Variants in MAGI1 observed in about 807,000 individuals in gnomAD.
MAGI1 encodes membrane-associated guanylate kinase, WW and PDZ domain-containing protein 1.
Under a neutral mutation model 139.9 loss-of-function variants are expected in MAGI1, and 58 were observed. The observed-to-expected ratio is 0.41, with a 90% CI of 0.34 to 0.52. The LOEUF (loss-of-function observed/expected upper bound fraction) is 0.52, where lower values mean the gene tolerates loss of function less well. MAGI1 is among the 20% of genes least tolerant of loss of function. The pLI, the probability that MAGI1 is intolerant of heterozygous loss-of-function variation, is 0.12. For missense variants in MAGI1, 1,874 were observed against 1,901.6 expected (o/e 0.99, Z 0.27); for synonymous variants, 812 against 737.9 (o/e 1.10, Z -1.63).
chr3:66,037,388 C>T lies in MAGI1; in HGVS notation c.313+608G>A, dbSNP rs1266303194. 2.0e-5 allele frequency among the ~76,000 whole-genome samples: 3 copies of T among 152,134 alleles called. 1 individual carries two copies. The highest frequency in any genetic ancestry group is 7.2e-5 in the African/African-American group (3 of 41,438). On this transcript the variant is annotated intron_variant, in intron 1 of 22. Coordinates refer to ENST00000402939, the MANE Select transcript of MAGI1 (RefSeq NM_001033057.2). The stretch of plus-strand genomic sequence containing the variant: ...AGCAAGCACCCCTTCCCCCTCTCCC[C>T]CTCCCAAGTGTATGGCTGAGCCACA...
chr3:65,438,883 C>G (rs1246672413), intron 9 of MAGI1, among the ~76,000 whole-genome samples: 1 of 152,208 alleles, frequency 6.6e-6, no homozygotes, highest in Non-Finnish European at 1.5e-5. Flanking sequence ...GTGAGTAGTT[C>G]TAACAGAGAT....
At chr3:65,650,371 C>A (rs914894872) in intron 1 of MAGI1, among the ~76,000 whole-genome samples, 1 of 152,210 alleles carries the variant, frequency 6.6e-6, no homozygotes, top group Non-Finnish European at 1.5e-5. Context: ...CATGCCCACA[C>A]AAAAACCTGT....
At chr3:65,477,711 A>ATTTT (rs60679864) in intron 4 of MAGI1, among the ~76,000 whole-genome samples, 21 of 141,610 alleles carry the variant, frequency 1.5e-4, no homozygotes, top group African/African-American at 5.2e-4. Flanking sequence ...TATTATTATT[A>ATTTT]TTTTTTTTTT....
chr3:65,443,897 G>T (rs1948504824), intron 7 of MAGI1, among the ~76,000 whole-genome samples: 1 of 152,166 alleles, frequency 6.6e-6, no homozygotes, highest in Non-Finnish European at 1.5e-5. Flanking sequence ...AAGGAATCAT[G>T]TGGTCACTAA....
At chr3:65,380,727 A>G (rs1396856869) in intron 16 of MAGI1, 1 of 152,220 alleles carries the variant, frequency 6.6e-6, no homozygotes, top group Non-Finnish European at 1.5e-5. Context: ...AACAAAAAAA[A>G]TCACATTGCC....
In MAGI1 at chr3:65,498,438, G is replaced by GAA. The variant is rs201771614; in HGVS notation, c.431-4809_431-4808dup. On this transcript the variant is annotated intron_variant, in intron 2 of 22. Transcript: ENST00000402939. Reference sequence around the variant, plus strand: ...GCACAGCGTCCAACCCCCCAAAAAAGAAAAAAAAATATATAACGCTGGGAA... The same window carrying GAA: ...GCACAGCGTCCAACCCCCCAAAAAAGAAAAAAAAAAATATATAACGCTGGGAA... 1.2e-4 allele frequency among the ~76,000 whole-genome samples: 18 copies of GAA among 150,526 alleles called. No individual in the cohort carries two copies. In the East Asian group the frequency reaches 3.5e-3, roughly 29 times the overall value.
At chr3:65,744,598 A>T (rs2107795038) in intron 1 of MAGI1, among the ~76,000 whole-genome samples, 1 of 152,330 alleles carries the variant, frequency 6.6e-6, no homozygotes, top group Middle Eastern at 3.4e-3. Context: ...TGAATTAAAG[A>T]AGATATAGAC....
At chr3:65,622,204 A>G (rs2083712533) in intron 1 of MAGI1, 116 bp from the exon 2 acceptor site, 3 of 743,754 alleles carry the variant, frequency 4.0e-6, no homozygotes, top group East Asian at 2.4e-5. Context: ...TGCCACCCCT[A>G]GTCATTAGGA....
chr3:65,501,767 G>A (rs2077092514), intron 2 of MAGI1, among the ~76,000 whole-genome samples: 1 of 152,134 alleles, frequency 6.6e-6, no homozygotes, highest in African/African-American at 2.4e-5. Flanking sequence ...GTTTAGAAGA[G>A]CTTTATGCAT....
At chr3:65,812,468 T>A (rs145965284) in intron 1 of MAGI1, among the ~76,000 whole-genome samples, 15,889 of 88,298 alleles carry the variant, frequency 0.18, 1,815 homozygotes, top group African/African-American at 0.34. Flanking sequence ...TCTCTCTCTC[T>A]CACACACACA....
rs1208339732 is a variant in MAGI1, at chr3:65,440,144, T to C, written c.1137-132A>G. On this transcript the variant is annotated intron_variant, in intron 8 of 22. Coordinates refer to ENST00000402939, the MANE Select transcript of MAGI1 (RefSeq NM_001033057.2). ...AGATGCTAACCCTCGTGTGTTAAAA[T>C]GCTCAGTTAGAAAGAGGAAATAAAA... The C allele has an allele frequency of 2.8e-5, 28 of 990,082 alleles. 3 individuals carry two copies. The South Asian group carries it at 4.1e-4, about 14-fold the overall frequency. 61.3% of individuals were successfully genotyped at this position (990,082 alleles called of 1,614,324 possible).
intron 2 of MAGI1, among the ~76,000 whole-genome samples, chr3:65,575,959 A>G (rs1185624964): frequency 6.6e-6 from 1 of 152,170 alleles, no homozygotes; most frequent in Admixed American, 6.5e-5. Flanking sequence ...TGGGGGAGCT[A>G]ATGTATGTTC....
chr3:65,462,540 A>T (rs1949877397), intron 5 of MAGI1, among the ~76,000 whole-genome samples: 1 of 152,092 alleles, frequency 6.6e-6, no homozygotes, highest in Non-Finnish European at 1.5e-5. Context: ...TATAGTTTAA[A>T]GTCAGATAGC....
intron 7 of MAGI1, 71 bp downstream of exon 7, chr3:65,447,951 A>G: frequency 6.6e-7 from 1 of 1,516,542 alleles, no homozygotes; most frequent in East Asian, 2.3e-5. Context: ...TAAGCAATTC[A>G]CTGGGGAAGA....
At chr3:65,853,385 C>A (rs1038559320) in intron 1 of MAGI1, among the ~76,000 whole-genome samples, 1 of 152,168 alleles carries the variant, frequency 6.6e-6, no homozygotes, top group Non-Finnish European at 1.5e-5. Context: ...TAGGTAAATT[C>A]CTAGTAGGGC....
chr3:65,805,812 T>C (rs1342636397), intron 1 of MAGI1, among the ~76,000 whole-genome samples: 1 of 152,088 alleles, frequency 6.6e-6, no homozygotes, highest in Non-Finnish European at 1.5e-5. Flanking sequence ...CTGGAAGCCA[T>C]CATCCTCAGC....
chr3:65,549,288 T>G, intron 2 of MAGI1: 8 of 407,120 alleles, frequency 2.0e-5, no homozygotes, highest in Non-Finnish European at 2.7e-5. Flanking sequence ...TTCCTTCCCT[T>G]TCCTCCCTCT....
intron 1 of MAGI1, among the ~76,000 whole-genome samples, chr3:65,829,588 A>G (rs2042416754): frequency 1.3e-5 from 2 of 152,212 alleles, no homozygotes; most frequent in Non-Finnish European, 1.5e-5. Flanking sequence ...TAAATTTCTC[A>G]TGCTTGTAAA....
At position 65,363,604 on chromosome 3, in the gene MAGI1, T is replaced by C; in HGVS notation, c.3356A>G (p.Gln1119Arg). 6.2e-7 allele frequency: 1 copy of C among 1,612,762 alleles called. No individual in the cohort carries two copies. Among genetic ancestry groups the C allele is most frequent in the Non-Finnish European group, 8.5e-7 (1 of 1,179,570 alleles). ...EFKAPQATQE[Q>R]DFYTVELERG... is the part of the protein sequence containing the mutation. ...TTCCAGTTCCACAGTGTAAAAATCTTGCTCCTATTTAAAGAAATTAAATGC... is the reference window on the plus strand; with the variant it reads ...TTCCAGTTCCACAGTGTAAAAATCTCGCTCCTATTTAAAGAAATTAAATGC... Residue 1119 changes from glutamine to arginine, a missense_variant, in exon 21 of 23, where the codon CAA becomes CGA. Gln to Arg is a conservative substitution (Grantham distance 43). Coordinates refer to ENST00000402939, the MANE Select transcript of MAGI1 (RefSeq NM_001033057.2).
Sources: gnomAD v4.1 joint callset for allele counts (sites outside exome capture counted in the v4.1 genomes callset) on GRCh38, gnomAD v4.1.1 for gene constraint, MANE v1.5 for transcripts, NCBI Gene and HGNC (gene_info 2026-07-23, HGNC 2026-07-21) for gene names.